The following CEP83 variants were observed in gnomAD, a reference collection of about 807,000 sequenced individuals.
CEP83 encodes the protein centrosomal protein of 83 kDa.
A neutral mutation model predicts 101.9 loss-of-function variants in CEP83; 70 were observed. The observed-to-expected ratio is 0.69, with a 90% CI of 0.57 to 0.84. The LOEUF is 0.84. Ranked by LOEUF, CEP83 falls within the 40% of genes least tolerant of loss-of-function variation. The pLI, the probability that CEP83 is intolerant of heterozygous loss-of-function variation, is 0.00. For missense variants in CEP83, 715 were observed against 787.2 expected (o/e 0.91, Z 1.10); for synonymous variants, 264 against 267.9 (o/e 0.99, Z 0.14).
At chr12:94,341,303 T>C (rs963231276) in intron 11 of CEP83, among the ~76,000 whole-genome samples, 1 of 152,194 alleles carries the variant, frequency 6.6e-6, no homozygotes, top group South Asian at 2.1e-4. Context: ...TATCTACTTA[T>C]CACAGATATA....
intron 4 of CEP83, among the ~76,000 whole-genome samples, chr12:94,406,931 CAA>C (rs572356113): frequency 2.0e-5 from 2 of 100,324 alleles, no homozygotes; most frequent in Non-Finnish European, 2.2e-5. Context: ...TGTCTCAAAA[CAA>C]AAAAAAAAAA....
At chr12:94,269,575 A>G in the CEP83 span, among the ~76,000 whole-genome samples, 2 of 152,330 alleles carry the variant, frequency 1.3e-5, no homozygotes, top group South Asian at 4.1e-4. Flanking sequence ...CAGAAGATCC[A>G]TTAGCCCCGT....
chr12:94,444,904 T>C (rs1203406548), intron 1 of CEP83, among the ~76,000 whole-genome samples: 6 of 152,174 alleles, frequency 3.9e-5, no homozygotes. Flanking sequence ...GAAAATTCAA[T>C]ATTGTTAAGA....
intron 14 of CEP83, among the ~76,000 whole-genome samples, chr12:94,320,648 C>T (rs897098983): frequency 4.6e-5 from 7 of 152,030 alleles, no homozygotes; most frequent in African/African-American, 7.2e-5. Flanking sequence ...TCTCCTTTGT[C>T]GAGGAAGGTT....
intron 14 of CEP83, among the ~76,000 whole-genome samples, chr12:94,330,077 G>C (rs369875446): frequency 6.6e-6 from 1 of 152,214 alleles, no homozygotes; most frequent in Non-Finnish European, 1.5e-5. Context: ...ATAACTGAAC[G>C]ATCTACAGTT....
At chr12:94,306,117 C>T (rs1968979463), downstream of CEP83, 1 of 151,830 alleles carries the variant, frequency 6.6e-6, no homozygotes, top group South Asian at 2.1e-4. Context: ...GTTCCAAAAC[C>T]TTTGATCAGA....
chr12:94,426,023 G>A (rs909059774), intron 2 of CEP83, among the ~76,000 whole-genome samples: 3 of 151,878 alleles, frequency 2.0e-5, no homozygotes, highest in African/African-American at 7.3e-5. Flanking sequence ...TCGGGAGGCT[G>A]AGGCAGGAGA....
chr12:94,271,297 G>A, the CEP83 span, among the ~76,000 whole-genome samples: 2 of 152,178 alleles, frequency 1.3e-5, no homozygotes, highest in African/African-American at 4.8e-5. Context: ...AGGCAGCAAC[G>A]TTCCTGCTTT....
intron 2 of CEP83, among the ~76,000 whole-genome samples, chr12:94,416,841 CAGAAGG>C (rs1296093708): frequency 6.6e-6 from 1 of 151,928 alleles, no homozygotes; most frequent in African/African-American, 2.4e-5. Context: ...AATGCTGGCA[CAGAAGG>C]CCTAGTGGAG....
At chr12:94,443,383 C>T (rs1299864681) in intron 1 of CEP83, among the ~76,000 whole-genome samples, 2 of 152,122 alleles carry the variant, frequency 1.3e-5, no homozygotes, top group African/African-American at 4.8e-5. Flanking sequence ...AATCACAAAA[C>T]TATTTTCGGA....
chr12:94,370,525 C>T (rs1037825702), intron 8 of CEP83, among the ~76,000 whole-genome samples: 1 of 152,162 alleles, frequency 6.6e-6, no homozygotes, highest in African/African-American at 2.4e-5. Flanking sequence ...TATAGGTGCA[C>T]ACCACCACAC....
chr12:94,371,849 A>T (rs2061324178), intron 8 of CEP83, among the ~76,000 whole-genome samples: 1 of 152,362 alleles, frequency 6.6e-6, no homozygotes, highest in South Asian at 2.1e-4. Flanking sequence ...AAAGGAAATA[A>T]ACAGAAAAGT....
At chr12:94,435,980 A>G (rs535344408) in intron 1 of CEP83, among the ~76,000 whole-genome samples, 1 of 152,252 alleles carries the variant, frequency 6.6e-6, no homozygotes, top group East Asian at 1.9e-4. Flanking sequence ...CAGAACGGTA[A>G]TAACAATCAC....
rs756820553 is a variant in CEP83, at chr12:94,412,352, C to T, written c.139G>A (p.Ala47Thr). 24 of 1,611,984 alleles carry T rather than the reference C, an allele frequency of 1.5e-5. No homozygotes were observed. The South Asian group carries it at 2.4e-4, about 16-fold the overall frequency. The change falls in exon 3 of 17, where the codon GCT (alanine) becomes ACT (threonine). Residue 47 changes from alanine (A) to threonine (T), a missense_variant. Transcript: ENST00000397809. Reference sequence around the variant, plus strand: ...TCAGCCTTCAGTGTCTGATAATTAGCTTTATGATGCTCACATCGTAACCTT... The same window carrying T: ...TCAGCCTTCAGTGTCTGATAATTAGTTTTATGATGCTCACATCGTAACCTT... ...DERLRCEHHK[A>T]NYQTLKAEHT...
At chr12:94,292,208 ATTCTAT>A in the CEP83 span, among the ~76,000 whole-genome samples, 1 of 152,208 alleles carries the variant, frequency 6.6e-6, no homozygotes, top group Non-Finnish European at 1.5e-5. Flanking sequence ...ATACTGTATG[ATTCTAT>A]TTATATGATA....
At position 94,424,215 on chromosome 12, in the gene CEP83, C is replaced by T. The variant is rs1301224408; in HGVS notation, c.-102+11060G>A. 3.1e-6 allele frequency: 5 copies of T among 1,611,670 alleles called. No homozygotes were observed. The South Asian group carries it at 3.3e-5, about 11-fold the overall frequency. The stretch of plus-strand genomic sequence containing the variant: ...CCATTCTGAAGAGCTGTGGTGGGGT[C>T]ATAGGTCAAGGCCATGATGCCCATG... On this transcript the variant is annotated intron_variant, in intron 2 of 16. Transcript: ENST00000397809.
chr12:94,294,209 G>A, the CEP83 span, among the ~76,000 whole-genome samples: 1 of 152,134 alleles, frequency 6.6e-6, no homozygotes, highest in Non-Finnish European at 1.5e-5. Context: ...CTGTCCCACA[G>A]GGTCCTGGCC....
chr12:94,438,543 T>TA (rs2066168463), intron 1 of CEP83, among the ~76,000 whole-genome samples: 1 of 152,128 alleles, frequency 6.6e-6, no homozygotes, highest in Non-Finnish European at 1.5e-5. Flanking sequence ...CCGAAATTTA[T>TA]AAAACAATTA....
At chr12:94,298,831 A>C in the CEP83 span, 8 of 1,570,148 alleles carry the variant, frequency 5.1e-6, no homozygotes, top group African/African-American at 2.7e-5. Flanking sequence ...GTTTTCAAGA[A>C]TCTGGGACAG....
Sources: allele counts gnomAD v4.1 joint callset (sites outside exome capture counted in the v4.1 genomes callset), GRCh38; gene constraint gnomAD v4.1.1; transcripts MANE v1.5; gene names NCBI Gene and HGNC (gene_info 2026-07-23, HGNC 2026-07-21).